MOK: variants seen among roughly 807,000 people sequenced by gnomAD.
MOK encodes the protein MOK protein kinase, also known as MAPK/MAK/MRK overlapping kinase.
Under a neutral mutation model 54.2 loss-of-function variants are expected in MOK, and 59 were observed. The ratio of observed to expected loss-of-function variants is 1.09; its 90% CI spans 0.88 to 1.35. MOK has a LOEUF of 1.35. Ranked by LOEUF, MOK falls within the 40% of genes most tolerant of loss-of-function variation. The pLI, the probability that MOK is intolerant of heterozygous loss-of-function variation, is 0.00. For missense variants in MOK, 517 were observed against 526.2 expected, an observed-to-expected ratio of 0.98 and a Z score of 0.17; for synonymous variants, 210 against 202.7, an observed-to-expected ratio of 1.04 and a Z score of -0.31.
rs2064959344 is a variant in MOK, at chr14:102,233,736, TG to T, written c.643del (p.His215ThrfsTer21). On this transcript the variant is annotated frameshift_variant, in exon 8 of 12. Transcript: ENST00000361847. LOFTEE classifies it high-confidence loss of function. ...CTGAGCGGGTGTGCCGATGACATCG[TG>T]GATTTTTGAGATTTGGTCCAGTTCA... The part of the protein sequence containing the change: ...VNELDQISKI[H>X]DVIGTPAQKI... 2 of 1,613,920 alleles carry T rather than the reference TG, an allele frequency of 1.2e-6. No homozygotes were observed. Among genetic ancestry groups the T allele is most frequent in the Non-Finnish European group, 1.7e-6 (2 of 1,179,986 alleles).
intron 4 of MOK, among the ~76,000 whole-genome samples, chr14:102,254,716 C>A (rs56177917): frequency 0.29 from 44,807 of 152,080 alleles, 7,996 homozygotes; most frequent in Admixed American, 0.41. Context: ...GCCCCACAGT[C>A]GCCTAACTAG....
intron 7 of MOK, among the ~76,000 whole-genome samples, chr14:102,244,157 A>C (rs1013699830): frequency 6.6e-6 from 1 of 152,204 alleles, no homozygotes; most frequent in Admixed American, 6.5e-5. Context: ...ATTCACTGCA[A>C]GGGCCATCAA....
Position 102,263,411 on chromosome 14 carries a change from T to C in MOK, c.283+135A>G, listed in dbSNP as rs572272307. 1.8e-5 allele frequency: 9 copies of C among 492,122 alleles called. 1 individual carries two copies. The East Asian group carries it at 3.2e-4, about 18-fold the overall frequency. 30.5% of individuals were successfully genotyped at this position (492,122 alleles called of 1,614,324 possible). On this transcript the variant is annotated intron_variant, in intron 4 of 11. Coordinates refer to ENST00000361847, the MANE Select transcript of MOK (RefSeq NM_014226.3). ...AGTCAGAAAAATGCCTCCTGGTGAATGAAGTGACCCTGTACTGTGTATTAT... is the reference window on the plus strand; with the variant it reads ...AGTCAGAAAAATGCCTCCTGGTGAACGAAGTGACCCTGTACTGTGTATTAT...
Position 102,302,601 on chromosome 14 carries a change from G to A in MOK, c.7+2361C>T, listed in dbSNP as rs534562283. ...TGGCTAATTTTTTGTATTTTTAGTA[G>A]AGCCGGGGTTTCACCGTGTTAGCTG... On this transcript the variant is annotated intron_variant, in intron 1 of 11. Transcript: ENST00000361847. Among the ~76,000 whole-genome samples the A allele has an allele frequency of 2.0e-3, 297 of 151,422 alleles. 2 individuals are homozygous for A. Among genetic ancestry groups the A allele is most frequent in the Non-Finnish European group, 3.5e-3 (239 of 67,892 alleles).
intron 1 of MOK, among the ~76,000 whole-genome samples, chr14:102,291,907 G>A (rs1386601462): frequency 5.9e-5 from 9 of 151,274 alleles, no homozygotes; most frequent in Non-Finnish European, 1.2e-4. Flanking sequence ...GCAGTGAGCC[G>A]AGATCACGCC....
At chr14:102,273,501 G>A (rs2068574660) in intron 2 of MOK, among the ~76,000 whole-genome samples, 1 of 152,098 alleles carries the variant, frequency 6.6e-6, no homozygotes, top group South Asian at 2.1e-4. Flanking sequence ...AAACCGTCCA[G>A]GCAAGGTGGC....
intron 1 of MOK, among the ~76,000 whole-genome samples, chr14:102,297,762 C>T (rs755353230): frequency 2.0e-5 from 3 of 152,278 alleles, no homozygotes; most frequent in Admixed American, 6.5e-5. Flanking sequence ...GTGGGCTCAG[C>T]GGGCCCCGCA....
At chr14:102,287,492 A>C (rs566419077) in intron 1 of MOK, among the ~76,000 whole-genome samples, 1 of 152,332 alleles carries the variant, frequency 6.6e-6, no homozygotes, top group South Asian at 2.1e-4. Context: ...ATCTGATAAG[A>C]AACTTATATC....
chr14:102,214,839 T>C, the MOK span: 2 of 983,944 alleles, frequency 2.0e-6, no homozygotes, highest in African/African-American at 1.7e-5. Context: ...TATTGTTTTA[T>C]AATTTTAAGG....
intron 1 of MOK, among the ~76,000 whole-genome samples, chr14:102,299,982 G>A (rs550035375): frequency 1.5e-4 from 23 of 152,144 alleles, no homozygotes; most frequent in Non-Finnish European, 7.4e-5. Context: ...GTTCAAGACC[G>A]GCCTGGGCAA....
chr14:102,294,646 G>A (rs1215570617), intron 1 of MOK, among the ~76,000 whole-genome samples: 1 of 151,950 alleles, frequency 6.6e-6, no homozygotes, highest in Non-Finnish European at 1.5e-5. Context: ...AAAATCAAAG[G>A]AGGGATTGGA....
intron 1 of MOK, among the ~76,000 whole-genome samples, chr14:102,296,438 A>G (rs2071427125): frequency 6.6e-6 from 1 of 152,178 alleles, no homozygotes; most frequent in Non-Finnish European, 1.5e-5. Context: ...GTGTATATAC[A>G]CAAAAATATG....
At chr14:102,255,764 G>A (rs1413448603) in intron 4 of MOK, among the ~76,000 whole-genome samples, 1 of 152,152 alleles carries the variant, frequency 6.6e-6, no homozygotes, top group Non-Finnish European at 1.5e-5. Flanking sequence ...TACAATTAAC[G>A]AGTTACTCAG....
At chr14:102,290,640 G>A (rs1329441451) in intron 1 of MOK, among the ~76,000 whole-genome samples, 2 of 152,156 alleles carry the variant, frequency 1.3e-5, no homozygotes, top group Non-Finnish European at 2.9e-5. Context: ...AGGAAGGGCT[G>A]CTCTCCATTA....
At chr14:102,255,115 C>G (rs1169539197) in intron 4 of MOK, among the ~76,000 whole-genome samples, 2 of 151,986 alleles carry the variant, frequency 1.3e-5, no homozygotes, top group East Asian at 1.9e-4. Flanking sequence ...GTCCGGAGAT[C>G]GAGACCATCC....
intron 3 of MOK, among the ~76,000 whole-genome samples, chr14:102,265,112 A>G (rs2067791829): frequency 6.6e-6 from 1 of 152,212 alleles, no homozygotes; most frequent in South Asian, 2.1e-4. Flanking sequence ...AATGTTATCA[A>G]TTACAGTAAG....
chr14:102,266,797 G>A (rs1329780674), intron 2 of MOK, among the ~76,000 whole-genome samples: 1 of 152,074 alleles, frequency 6.6e-6, no homozygotes. Context: ...GGCCAGGCTG[G>A]TCTCAAACTC....
chr14:102,226,654 C>T (rs1026883449), downstream of MOK, among the ~76,000 whole-genome samples: 9 of 152,168 alleles, frequency 5.9e-5, 1 homozygote, highest in Admixed American at 2.6e-4. This position sits in a 1 kb window ranked among gnomAD's most constrained non-coding sequence, Gnocchi z 4.8. Context: ...GGGACCCTGA[C>T]GCCTCCTGCC....
At chr14:102,237,029 G>T (rs72698556) in intron 7 of MOK, among the ~76,000 whole-genome samples, 4,558 of 152,046 alleles carry the variant, frequency 0.03, 89 homozygotes, top group Non-Finnish European at 0.05. Flanking sequence ...TGACCTAAAA[G>T]ATGACTTTTT....
Sources: allele counts gnomAD v4.1 joint callset (sites outside exome capture counted in the v4.1 genomes callset), GRCh38; gene constraint gnomAD v4.1.1; non-coding constraint Gnocchi (gnomAD v3.1); transcripts MANE v1.5; gene names NCBI Gene and HGNC (gene_info 2026-07-23, HGNC 2026-07-21).